The following ADAMTSL3 variants were observed in gnomAD, a reference collection of about 807,000 sequenced individuals.
The protein encoded by ADAMTSL3 is ADAMTS-like protein 3.
A neutral mutation model predicts 201.7 loss-of-function variants in ADAMTSL3; 128 were observed. The ratio of observed to expected loss-of-function variants is 0.63; its 90% CI spans 0.55 to 0.73. ADAMTSL3 has a LOEUF of 0.73. Among genes scored for constraint, ADAMTSL3 ranks in the 30% least tolerant of loss-of-function variants. The pLI is 0.00. For missense variants in ADAMTSL3, 1,990 were observed against 2,119.6 expected (o/e 0.94, Z 1.20); for synonymous variants, 738 against 748.4 (o/e 0.99, Z 0.23).
intron 7 of ADAMTSL3, among the ~76,000 whole-genome samples, chr15:83,855,954 T>A (rs1344939120): frequency 6.6e-6 from 1 of 152,000 alleles, no homozygotes; most frequent in Non-Finnish European, 1.5e-5. Context: ...GAGGCTGCAG[T>A]GAGCCTAGAT....
In ADAMTSL3 at chr15:83,688,753, T is replaced by TACACACACAC. The variant is rs371646287; in HGVS notation, c.70-15635_70-15634insCACACACACA. 3.5e-3 allele frequency among the ~76,000 whole-genome samples: 520 copies of TACACACACAC among 147,650 alleles called. 1 individual carries two copies. Among genetic ancestry groups the TACACACACAC allele is most frequent in the African/African-American group, 4.8e-3 (191 of 39,988 alleles). Reference sequence around the variant, plus strand: ...AGTGTTAAGTATACACATGCATATATATACACACACACACACACACACACA... The same window carrying TACACACACAC: ...AGTGTTAAGTATACACATGCATATATACACACACACATACACACACACACACACACACACA... On this transcript the variant is annotated intron_variant, in intron 2 of 29. Coordinates refer to ENST00000286744, the MANE Select transcript of ADAMTSL3 (RefSeq NM_207517.3).
At chr15:83,711,417 G>A (rs2061931942) in intron 3 of ADAMTSL3, among the ~76,000 whole-genome samples, 1 of 152,194 alleles carries the variant, frequency 6.6e-6, no homozygotes, top group African/African-American at 2.4e-5. Flanking sequence ...ACCAAAATGA[G>A]CAACTTATAT....
At chr15:83,906,858 TATCTC>T (rs2065845877) in intron 15 of ADAMTSL3, among the ~76,000 whole-genome samples, 1 of 152,180 alleles carries the variant, frequency 6.6e-6, no homozygotes, top group Non-Finnish European at 1.5e-5. Flanking sequence ...GTATTTTTCT[TATCTC>T]ATTTTGTTTA....
At chr15:83,833,978 C>T (rs1039800299) in intron 6 of ADAMTSL3, among the ~76,000 whole-genome samples, 2 of 152,138 alleles carry the variant, frequency 1.3e-5, no homozygotes, top group Admixed American at 6.5e-5. Flanking sequence ...TGTTAATAAC[C>T]GTGCTTTATC....
intron 2 of ADAMTSL3, among the ~76,000 whole-genome samples, chr15:83,688,474 A>G (rs952468820): frequency 6.6e-6 from 1 of 152,214 alleles, no homozygotes; most frequent in Non-Finnish European, 1.5e-5. Flanking sequence ...AGATGAAAGA[A>G]AAGTAACTCA....
chr15:83,854,179 G>T (rs933856538), intron 7 of ADAMTSL3, among the ~76,000 whole-genome samples: 4 of 152,028 alleles, frequency 2.6e-5, no homozygotes, highest in Admixed American at 2.6e-4. Flanking sequence ...CCTTGAACTG[G>T]TCAAGGCTCA....
At chr15:83,829,671 T>C (rs527930719) in intron 6 of ADAMTSL3, among the ~76,000 whole-genome samples, 4,101 of 152,294 alleles carry the variant, frequency 0.027, 156 homozygotes, top group African/African-American at 0.095. Context: ...TTTAGTGCTA[T>C]AAATTTCCCT....
At chr15:83,821,822 G>A (rs1333508324) in intron 6 of ADAMTSL3, among the ~76,000 whole-genome samples, 2 of 151,220 alleles carry the variant, frequency 1.3e-5, no homozygotes, top group East Asian at 4.0e-4. Flanking sequence ...GGGGCGGCCG[G>A]GCAGAGGCGC....
intron 23 of ADAMTSL3, among the ~76,000 whole-genome samples, chr15:83,995,218 T>C (rs1191271358): frequency 6.6e-6 from 1 of 152,134 alleles, no homozygotes; most frequent in African/African-American, 2.4e-5. Flanking sequence ...GGACACTGAG[T>C]TCCTCCTTGA....
chr15:83,785,799 T>A (rs2063252548), intron 4 of ADAMTSL3, among the ~76,000 whole-genome samples: 1 of 152,090 alleles, frequency 6.6e-6, no homozygotes, highest in Admixed American at 6.5e-5. Flanking sequence ...TCCTCTTTTT[T>A]TTTTCTTTTT....
chr15:83,820,569 G>T (rs8041709), intron 6 of ADAMTSL3, among the ~76,000 whole-genome samples: 23,417 of 152,206 alleles, frequency 0.15, 2,363 homozygotes, highest in South Asian at 0.32. Context: ...TTTGAGAACC[G>T]CTGTTTTGGA....
At chr15:83,986,570 C>T (rs2067479430) in intron 21 of ADAMTSL3, among the ~76,000 whole-genome samples, 1 of 152,116 alleles carries the variant, frequency 6.6e-6, no homozygotes, top group African/African-American at 2.4e-5. Context: ...ATTTTTCCTC[C>T]AAAACCTACC....
intron 9 of ADAMTSL3, among the ~76,000 whole-genome samples, chr15:83,880,769 T>A (rs2065254222): frequency 6.6e-6 from 1 of 152,128 alleles, no homozygotes; most frequent in African/African-American, 2.4e-5. Flanking sequence ...TAGCATAAGG[T>A]GTTGCTAGGC....
At chr15:83,999,504 C>T (rs1160710820) in intron 23 of ADAMTSL3, among the ~76,000 whole-genome samples, 3 of 152,146 alleles carry the variant, frequency 2.0e-5, no homozygotes, top group East Asian at 1.9e-4. Context: ...AATCTACTAG[C>T]GGGGTATTTT....
chr15:83,834,688 T>C (rs1480740870), intron 6 of ADAMTSL3, among the ~76,000 whole-genome samples: 1 of 152,234 alleles, frequency 6.6e-6, no homozygotes, highest in African/African-American at 2.4e-5. Context: ...TACTCATATA[T>C]TTTAAATATT....
intron 15 of ADAMTSL3, among the ~76,000 whole-genome samples, chr15:83,905,127 G>A (rs529192995): frequency 1.3e-5 from 2 of 152,230 alleles, no homozygotes; most frequent in South Asian, 2.1e-4. Context: ...GTGGTGGACA[G>A]TGATTCTATG....
At chr15:84,029,380 CA>C (rs2068362921) in intron 27 of ADAMTSL3, among the ~76,000 whole-genome samples, 1 of 152,148 alleles carries the variant, frequency 6.6e-6, no homozygotes, top group Non-Finnish European at 1.5e-5. Context: ...TATGCTTTAG[CA>C]AAGAGAATGG....
At chr15:83,898,728 T>G (rs898156145) in intron 14 of ADAMTSL3, among the ~76,000 whole-genome samples, 1 of 152,182 alleles carries the variant, frequency 6.6e-6, no homozygotes, top group African/African-American at 2.4e-5. Flanking sequence ...AAAAGTATCT[T>G]CCATCTTGAA....
At chr15:83,837,802 GA>G (rs11373772) in intron 6 of ADAMTSL3, among the ~76,000 whole-genome samples, 85 of 135,606 alleles carry the variant, frequency 6.3e-4, no homozygotes, top group East Asian at 6.6e-4. Flanking sequence ...ATCTTGTCTT[GA>G]AAAAAAAAAA....
Sources: gnomAD v4.1 joint callset for allele counts (sites outside exome capture counted in the v4.1 genomes callset) on GRCh38, gnomAD v4.1.1 for gene constraint, MANE v1.5 for transcripts, NCBI Gene and HGNC (gene_info 2026-07-23, HGNC 2026-07-21) for gene names.